The following GABRB1 variants were observed in gnomAD, a reference collection of about 807,000 sequenced individuals.
GABRB1 encodes gamma-aminobutyric acid receptor subunit beta-1.
In GABRB1, 17 loss-of-function variants were observed where a neutral mutation model predicts 51.6. That is an observed-to-expected ratio of 0.33 (90% CI 0.23 to 0.49). GABRB1 has a LOEUF of 0.49. Among genes scored for constraint, GABRB1 ranks in the 20% least tolerant of loss-of-function variants. The probability of loss-of-function intolerance (pLI) is 0.99; values close to 1 mark genes in which losing one functional copy is unlikely to be tolerated. For missense variants in GABRB1, 410 were observed against 600.6 expected (o/e 0.68, Z 3.32); for synonymous variants, 247 against 218.9 (o/e 1.13, Z -1.14).
At chr4:47,263,310 C>A (rs183517082) in intron 4 of GABRB1, among the ~76,000 whole-genome samples, 220 of 152,012 alleles carry the variant, frequency 1.4e-3, no homozygotes, top group Non-Finnish European at 4.3e-4. Context: ...TTAGTGGATG[C>A]AAGGAGGATT....
intron 4 of GABRB1, among the ~76,000 whole-genome samples, chr4:47,177,378 A>G (rs1054791923): frequency 1.3e-5 from 2 of 152,116 alleles, no homozygotes; most frequent in African/African-American, 4.8e-5. Flanking sequence ...GAGCCTAGCT[A>G]CTACAGAAAT....
At chr4:47,084,295 T>C (rs1178667433) in intron 3 of GABRB1, among the ~76,000 whole-genome samples, 1 of 152,194 alleles carries the variant, frequency 6.6e-6, no homozygotes, top group Non-Finnish European at 1.5e-5. Flanking sequence ...GGCTAAGCCA[T>C]TTATTGTCTT....
intron 4 of GABRB1, among the ~76,000 whole-genome samples, chr4:47,276,734 A>G (rs1339813954): frequency 6.6e-6 from 1 of 152,112 alleles, no homozygotes. Flanking sequence ...CTTTGGCACT[A>G]TTGATATTTT....
intron 4 of GABRB1, among the ~76,000 whole-genome samples, chr4:47,218,481 C>G (rs1209724715): frequency 1.3e-5 from 2 of 151,834 alleles, no homozygotes; most frequent in Non-Finnish European, 2.9e-5. Context: ...TTCCCTGCCC[C>G]CTTGCCAACA....
At chr4:47,289,472 C>A (rs1213493609) in intron 4 of GABRB1, among the ~76,000 whole-genome samples, 2 of 152,102 alleles carry the variant, frequency 1.3e-5, no homozygotes, top group Non-Finnish European at 1.5e-5. Flanking sequence ...TGAACCTACA[C>A]CCATTTGTCC....
chr4:47,046,986 A>G (rs1024230160), intron 3 of GABRB1, among the ~76,000 whole-genome samples: 11 of 152,202 alleles, frequency 7.2e-5, no homozygotes, highest in East Asian at 1.9e-4. Context: ...ACTGGAGCCT[A>G]TCAGAGGCTG....
intron 5 of GABRB1, among the ~76,000 whole-genome samples, chr4:47,402,222 T>C (rs536263226): frequency 3.3e-4 from 51 of 152,344 alleles, no homozygotes; most frequent in African/African-American, 1.2e-3. Context: ...AACTTCTAAA[T>C]ATCAAATACA....
intron 7 of GABRB1, among the ~76,000 whole-genome samples, chr4:47,405,486 T>A (rs1019367326): frequency 6.6e-6 from 1 of 152,192 alleles, no homozygotes; most frequent in Non-Finnish European, 1.5e-5. Flanking sequence ...TACCTTTTCA[T>A]CTCATTGCTT....
chr4:47,141,352 A>C (rs1716927188), intron 3 of GABRB1, among the ~76,000 whole-genome samples: 1 of 151,894 alleles, frequency 6.6e-6, no homozygotes, highest in African/African-American at 2.4e-5. Context: ...TCTCAAGTTA[A>C]AATTTCCCAC....
intron 3 of GABRB1, among the ~76,000 whole-genome samples, chr4:47,036,627 C>A: frequency 6.6e-6 from 1 of 152,026 alleles, no homozygotes; most frequent in East Asian, 1.9e-4. Context: ...TTTGGGAGGC[C>A]AAGGCGAGTG....
intron 3 of GABRB1, among the ~76,000 whole-genome samples, chr4:47,096,301 G>T (rs1714427952): frequency 6.6e-6 from 1 of 152,202 alleles, no homozygotes; most frequent in Non-Finnish European, 1.5e-5. Flanking sequence ...CAAGTAGGTA[G>T]TGAGGCAGGC....
At chr4:47,299,260 G>A (rs1044280769) in intron 4 of GABRB1, among the ~76,000 whole-genome samples, 2 of 151,996 alleles carry the variant, frequency 1.3e-5, no homozygotes, top group African/African-American at 2.4e-5. Context: ...AAACTAAAGA[G>A]CTTCTGCACA....
chr4:47,389,884 T>C (rs966704224), intron 5 of GABRB1, among the ~76,000 whole-genome samples: 12 of 152,088 alleles, frequency 7.9e-5, no homozygotes, highest in African/African-American at 2.4e-4. Context: ...AATTAGGGAG[T>C]GGTAGACCAC....
chr4:47,035,273 T>G lies in GABRB1; in HGVS notation c.240+2789T>G, dbSNP rs527955911. On this transcript the variant is annotated intron_variant, in intron 3 of 8. Coordinates refer to ENST00000295454, the MANE Select transcript of GABRB1 (RefSeq NM_000812.4). The stretch of plus-strand genomic sequence containing the variant: ...CATCGTATCAAGAGTATTATCTGAT[T>G]TCTTAATTTGTGAAAAATTAAGTGT... Among the ~76,000 whole-genome samples the G allele has an allele frequency of 4.6e-5, 7 of 152,240 alleles. No individual in the cohort carries two copies. In the South Asian group the frequency reaches 1.5e-3, roughly 32 times the overall value.
At chr4:47,390,744 T>G (rs1039567189) in intron 5 of GABRB1, among the ~76,000 whole-genome samples, 1 of 152,180 alleles carries the variant, frequency 6.6e-6, no homozygotes, top group Non-Finnish European at 1.5e-5. Flanking sequence ...TGTTTAGGTG[T>G]GAGTAAATTG....
chr4:47,252,971 A>G (rs1237812429), intron 4 of GABRB1, among the ~76,000 whole-genome samples: 1 of 152,202 alleles, frequency 6.6e-6, no homozygotes, highest in Non-Finnish European at 1.5e-5. Flanking sequence ...CATACAAGAC[A>G]CTGTTCTAAG....
At chr4:46,995,100 A>T (rs532674150) in intron 1 of GABRB1, among the ~76,000 whole-genome samples, 1 of 152,208 alleles carries the variant, frequency 6.6e-6, no homozygotes, top group African/African-American at 2.4e-5. Context: ...GGCCTGGGCT[A>T]GGTAATTTTT....
chr4:47,238,469 C>G lies in GABRB1; in HGVS notation c.461+77000C>G, dbSNP rs193194442. 4.7e-3 allele frequency among the ~76,000 whole-genome samples: 715 copies of G among 152,150 alleles called. 3 individuals are homozygous for G. The highest frequency in any genetic ancestry group is 7.6e-3 in the Non-Finnish European group (515 of 67,942). On this transcript the variant is annotated intron_variant, in intron 4 of 8. Coordinates refer to ENST00000295454, the MANE Select transcript of GABRB1 (RefSeq NM_000812.4). The stretch of plus-strand genomic sequence containing the variant: ...ATTTTTAAAGATGCTTTTTAAGTAA[C>G]TTGTGTTGGAAACTATGCAACAAAT...
chr4:47,125,323 C>T (rs1317508062), intron 3 of GABRB1, among the ~76,000 whole-genome samples: 1 of 151,940 alleles, frequency 6.6e-6, no homozygotes, highest in African/African-American at 2.4e-5. Flanking sequence ...AAAAGATGTT[C>T]TTCATATTGA....
Sources: gnomAD v4.1 joint callset for allele counts (sites outside exome capture counted in the v4.1 genomes callset) on GRCh38, gnomAD v4.1.1 for gene constraint, MANE v1.5 for transcripts, NCBI Gene and HGNC (gene_info 2026-07-23, HGNC 2026-07-21) for gene names.